EDNRB: variants seen among roughly 807,000 people sequenced by gnomAD.
The protein encoded by EDNRB is endothelin receptor type B, also known as Hirschsprung disease 2.
In EDNRB, 18 loss-of-function variants were observed where a neutral mutation model predicts 46.4. The observed-to-expected ratio is 0.39, with a 90% confidence interval of 0.27 to 0.57. The LOEUF (loss-of-function observed/expected upper bound fraction) is 0.57, where lower values mean the gene tolerates loss of function less well. Ranked by LOEUF, EDNRB falls within the 20% of genes least tolerant of loss-of-function variation. EDNRB has a pLI of 0.61. For synonymous variants in EDNRB, 213 were observed against 204.9 expected (o/e 1.04, Z -0.34); for missense variants, 434 against 537.5 (o/e 0.81, Z 1.90).
chr13:77,934,064 G>T (rs979582775), intron 1 of EDNRB, among the ~76,000 whole-genome samples: 4 of 152,138 alleles, frequency 2.6e-5, no homozygotes, highest in Admixed American at 6.5e-5. Context: ...GGCGGTTTGG[G>T]GTTAGCACCA....
chr13:77,904,333 C>T (rs1234259027), intron 1 of EDNRB, among the ~76,000 whole-genome samples: 1 of 152,028 alleles, frequency 6.6e-6, no homozygotes, highest in Non-Finnish European at 1.5e-5. Context: ...TCTCCCTACT[C>T]TCTTTTCCTT....
upstream of EDNRB, among the ~76,000 whole-genome samples, chr13:77,922,028 T>C (rs1049234766): frequency 2.0e-5 from 3 of 152,186 alleles, no homozygotes; most frequent in African/African-American, 4.8e-5. Context: ...CTAACTACTA[T>C]GTAAATTTCA....
rs1159624775 is a variant in EDNRB at position 77,918,116 on chromosome 13, A to G, written c.458T>C (p.Ile153Thr). The G allele has an allele frequency of 1.9e-6, 3 of 1,614,218 alleles. No individual in the cohort carries two copies. Among genetic ancestry groups the G allele is most frequent in the Non-Finnish European group, 1.7e-6 (2 of 1,180,044 alleles). Reference protein sequence around the residue: ...LALGDLLHIVIDIPINVYKLL... With the variant: ...LALGDLLHIVTDIPINVYKLL... ...CTTGTAGACATTGATAGGGATGTCAATGACGATGTGCAGCAGGTCTCCCAG... is the reference window on the plus strand; with the variant it reads ...CTTGTAGACATTGATAGGGATGTCAGTGACGATGTGCAGCAGGTCTCCCAG... Residue 153 changes from isoleucine (I) to threonine (T), a missense_variant, in exon 1 of 7, where the codon ATT becomes ACT. Coordinates refer to ENST00000646607, the MANE Select transcript of EDNRB (RefSeq NM_001122659.3). The surrounding 1 kb of genome is among the most constrained non-coding windows in gnomAD (Gnocchi z 4.5).
chr13:77,903,453 G>A, intron 2 of EDNRB, 42 bp downstream of exon 2: 1 of 1,608,912 alleles, frequency 6.2e-7, no homozygotes, highest in Non-Finnish European at 8.5e-7. Flanking sequence ...GAAAACAATA[G>A]TATATATTCA....
At chr13:77,970,992 G>A (rs775661402) in intron 1 of EDNRB, among the ~76,000 whole-genome samples, 1 of 152,118 alleles carries the variant, frequency 6.6e-6, no homozygotes, top group Non-Finnish European at 1.5e-5. Context: ...CAGCTTCCAA[G>A]TGTGACTGGA....
At chr13:77,950,902 G>A (rs546632218) in intron 1 of EDNRB, among the ~76,000 whole-genome samples, 1 of 152,270 alleles carries the variant, frequency 6.6e-6, no homozygotes, top group East Asian at 1.9e-4. Context: ...TTCCCATGAA[G>A]GAGGCAGGTG....
chr13:77,921,274 A>C (rs1373253474), upstream of EDNRB, among the ~76,000 whole-genome samples: 1 of 152,230 alleles, frequency 6.6e-6, no homozygotes. Flanking sequence ...ATACTTTATT[A>C]ACTGGTCATT....
At chr13:77,919,090 C>A, upstream of EDNRB, 1 of 501,144 alleles carries the variant, frequency 2.0e-6, no homozygotes, top group Non-Finnish European at 3.2e-6. Flanking sequence ...CGAAAGACTC[C>A]TCCCGGCGGA....
Position 77,902,952 on chromosome 13 carries a change from G to A in EDNRB, c.801+204C>T, listed in dbSNP as rs563488312. 9.7e-4 allele frequency among the ~76,000 whole-genome samples: 148 copies of A among 151,866 alleles called. 1 individual carries two copies. The highest frequency in any genetic ancestry group is 3.5e-3 in the African/African-American group (143 of 41,448). ...TTTATCTATGCCACTGAGATCAAGG[G>A]GATTCTTAGAGAAGTAGTGATCTAG... On this transcript the variant is annotated intron_variant, in intron 3 of 6. Coordinates refer to ENST00000646607, the MANE Select transcript of EDNRB (RefSeq NM_001122659.3).
intron 1 of EDNRB, among the ~76,000 whole-genome samples, chr13:77,937,880 G>A (rs984282304): frequency 1.8e-4 from 28 of 152,122 alleles, no homozygotes; most frequent in African/African-American, 4.8e-4. Flanking sequence ...GAGCTGCATC[G>A]GGAACAGAGA....
intron 3 of EDNRB, 111 bp downstream of exon 3, chr13:77,903,045 G>A: frequency 8.6e-7 from 1 of 1,165,346 alleles, no homozygotes; most frequent in Non-Finnish European, 1.2e-6. Flanking sequence ...CTTAATTTAT[G>A]CCAAGGACAG....
intron 1 of EDNRB, among the ~76,000 whole-genome samples, chr13:77,932,961 A>T (rs914565715): frequency 6.6e-6 from 1 of 152,244 alleles, no homozygotes; most frequent in Non-Finnish European, 1.5e-5. Flanking sequence ...AACACATAAC[A>T]TTAAAAAAGC....
intron 1 of EDNRB, among the ~76,000 whole-genome samples, chr13:77,941,182 A>G (rs1880734070): frequency 6.6e-6 from 1 of 152,232 alleles, no homozygotes; most frequent in African/African-American, 2.4e-5. Context: ...TCCCGTTAAA[A>G]GACTGAGAAG....
rs1424794211 is a variant in EDNRB at position 77,895,683 on chromosome 13, T to TA, written c.*2516dup. 3.3e-5 allele frequency: 5 copies of TA among 152,062 alleles called. No homozygotes were observed. Among genetic ancestry groups the TA allele is most frequent in the Admixed American group, 6.6e-5 (1 of 15,244 alleles). 9.4% of individuals were successfully genotyped at this position (152,062 alleles called of 1,614,324 possible). On this transcript the variant is annotated 3_prime_UTR_variant, in exon 7 of 7. Transcript: ENST00000646607. Reference sequence around the variant, plus strand: ...ATTTTTATTGGTTTTGCTTACATAATAAAAAATCAGTAACTATAGCCACTT... The same window carrying TA: ...ATTTTTATTGGTTTTGCTTACATAATAAAAAAATCAGTAACTATAGCCACTT...
chr13:77,971,274 G>A (rs1323941281), intron 1 of EDNRB, among the ~76,000 whole-genome samples: 6 of 152,212 alleles, frequency 3.9e-5, no homozygotes, highest in African/African-American at 9.6e-5. Context: ...TCTAGCATTT[G>A]TTAACTAATG....
intron 1 of EDNRB, among the ~76,000 whole-genome samples, chr13:77,907,359 T>C (rs1377918841): frequency 6.6e-6 from 1 of 151,980 alleles, no homozygotes; most frequent in Non-Finnish European, 1.5e-5. Context: ...TCATCTCCCC[T>C]GGCCCTCAGA....
Position 77,903,488 on chromosome 13 carries a change from C to G in EDNRB, c.596+7G>C. 1 of 1,612,318 alleles carries G rather than the reference C, an allele frequency of 6.2e-7. No individual in the cohort carries two copies. ...AGAATATACTTGGATTAAATAGAAG[C>G]TTCTACCTGTCAATACTCAGAGCAC... On this transcript the variant is annotated splice_region_variant and intron_variant, in intron 2 of 6. Transcript: ENST00000646607.
intron 1 of EDNRB, among the ~76,000 whole-genome samples, chr13:77,931,980 C>T (rs772116110): frequency 3.4e-5 from 5 of 145,756 alleles, no homozygotes; most frequent in Non-Finnish European, 7.5e-5. Context: ...TTCTACAATA[C>T]AAAGAAAAGA....
upstream of EDNRB, among the ~76,000 whole-genome samples, chr13:77,924,182 A>G (rs909968308): frequency 1.3e-5 from 2 of 152,228 alleles, no homozygotes; most frequent in African/African-American, 4.8e-5. Flanking sequence ...GGGCTTGCAA[A>G]GCCATGCCAA....
Sources: allele counts gnomAD v4.1 joint callset (sites outside exome capture counted in the v4.1 genomes callset), GRCh38; gene constraint gnomAD v4.1.1; non-coding constraint Gnocchi (gnomAD v3.1); transcripts MANE v1.5; gene names NCBI Gene and HGNC (gene_info 2026-07-23, HGNC 2026-07-21).